The following CDC16 variants were observed in gnomAD, a reference collection of about 807,000 sequenced individuals.
CDC16 encodes cell division cycle protein 16 homolog.
A neutral mutation model predicts 87.0 loss-of-function variants in CDC16; 34 were observed. That is an observed-to-expected ratio of 0.39 (90% confidence interval 0.30 to 0.52). The LOEUF (loss-of-function observed/expected upper bound fraction) is 0.52, where lower values mean the gene tolerates loss of function less well. Among genes scored for constraint, CDC16 ranks in the 20% least tolerant of loss-of-function variants. The probability of loss-of-function intolerance (pLI) is 0.74; values close to 1 mark genes in which losing one functional copy is unlikely to be tolerated. For synonymous variants in CDC16, 263 were observed against 260.6 expected (o/e 1.01, Z -0.09); for missense variants, 653 against 751.9 (o/e 0.87, Z 1.54).
At chr13:114,251,685 T>A (rs989440055) in intron 12 of CDC16, among the ~76,000 whole-genome samples, 30 of 152,210 alleles carry the variant, frequency 2.0e-4, no homozygotes, top group African/African-American at 7.0e-4. Context: ...TACCACAGAC[T>A]GGGTGACTTA....
rs17337724 is a variant in CDC16, at chr13:114,234,938, A to G, written c.-147A>G. Reference sequence around the variant, plus strand: ...GTGGGGGGTGCGGGTGTGGGTGGGGACCTGCGGCCTTCGAGTCCGCGGCCT... The same window carrying G: ...GTGGGGGGTGCGGGTGTGGGTGGGGGCCTGCGGCCTTCGAGTCCGCGGCCT... On this transcript the variant is annotated 5_prime_UTR_variant, in exon 1 of 18. Transcript: ENST00000356221. 0.019 allele frequency: 8,405 copies of G among 453,898 alleles called. 404 individuals are homozygous for G. The highest frequency in any genetic ancestry group is 0.1 in the Admixed American group (2,264 of 22,154). The allele number at this position is 453,898 out of a possible 1,614,324, so 28.1% of individuals were successfully genotyped here. A position where few individuals can be genotyped will look rare whatever the true frequency, so the allele number is the denominator to read the frequency against.
chr13:114,265,122 A>G, intron 16 of CDC16, 28 bp from the exon 17 acceptor site: 1 of 1,449,190 alleles, frequency 6.9e-7, no homozygotes, highest in Non-Finnish European at 9.7e-7. Flanking sequence ...GTTTTCTTTT[A>G]ATAACCATGC....
At chr13:114,245,973 G>GT in intron 9 of CDC16, 27 bp from the exon 10 acceptor site, 5 of 1,343,128 alleles carry the variant, frequency 3.7e-6, no homozygotes, top group Non-Finnish European at 5.2e-6. Flanking sequence ...ACGAACAATT[G>GT]TTCTTTTTCT....
rs145197563 is a variant in CDC16, at chr13:114,249,909, A to T, written c.972-640A>T. ...TTAAAATTTTGCTATACTATTAAAC[A>T]GTTTTAGTTCAAATGAATCAACACA... is the stretch of plus-strand genomic sequence containing the variant. On this transcript the variant is annotated intron_variant, in intron 11 of 17. Coordinates refer to ENST00000356221, the MANE Select transcript of CDC16 (RefSeq NM_001078645.3). Among the ~76,000 whole-genome samples, 3 of 152,380 alleles carry T rather than the reference A, an allele frequency of 2.0e-5. No individual in the cohort carries two copies. In the East Asian group the frequency reaches 5.8e-4, roughly 29 times the overall value.
intron 11 of CDC16, among the ~76,000 whole-genome samples, chr13:114,249,303 A>T (rs1333760204): frequency 6.6e-6 from 1 of 151,428 alleles, no homozygotes; most frequent in Non-Finnish European, 1.5e-5. Flanking sequence ...AATGCAAGTG[A>T]AGGGGAGTGG....
chr13:114,258,016 A>G (rs1045719676), intron 13 of CDC16, among the ~76,000 whole-genome samples: 29 of 152,072 alleles, frequency 1.9e-4, no homozygotes, highest in African/African-American at 6.3e-4. Context: ...CGAACTCCTG[A>G]CCTGGTGATC....
intron 5 of CDC16, among the ~76,000 whole-genome samples, chr13:114,241,132 G>A (rs905489432): frequency 3.9e-5 from 6 of 152,262 alleles, no homozygotes; most frequent in Admixed American, 6.5e-5. Context: ...CCACATCTTC[G>A]TGTTTATGGT....
chr13:114,241,910 T>C (rs1364865659), intron 5 of CDC16, among the ~76,000 whole-genome samples: 1 of 152,052 alleles, frequency 6.6e-6, no homozygotes, highest in Non-Finnish European at 1.5e-5. Flanking sequence ...ATTAACTGTT[T>C]GTGGTATTGT....
chr13:114,266,975 CGT>C (rs1566687294), intron 17 of CDC16, among the ~76,000 whole-genome samples: 1 of 151,764 alleles, frequency 6.6e-6, no homozygotes, highest in Non-Finnish European at 1.5e-5. Flanking sequence ...GGATTACAGG[CGT>C]GAGCCACCAT....
At chr13:114,266,903 C>T (rs17291578) in intron 17 of CDC16, among the ~76,000 whole-genome samples, 4 of 151,830 alleles carry the variant, frequency 2.6e-5, no homozygotes, top group East Asian at 2.0e-4. Context: ...TCACAGTGTT[C>T]GCCAGGATGA....
At chr13:114,242,992 G>A (rs939449365) in intron 6 of CDC16, among the ~76,000 whole-genome samples, 1 of 152,290 alleles carries the variant, frequency 6.6e-6, no homozygotes. Context: ...ACGCAGTCAG[G>A]AGTGCGGAGG....
chr13:114,243,233 CT>C (rs201277357), intron 6 of CDC16, 23 bp from the exon 7 acceptor site: 52 of 1,064,236 alleles, frequency 4.9e-5, no homozygotes, highest in South Asian at 9.0e-5. Context: ...TGAGGATATT[CT>C]TTTTTTTCTC....
At chr13:114,264,104 T>A (rs1452275112) in intron 16 of CDC16, 1 of 152,200 alleles carries the variant, frequency 6.6e-6, no homozygotes, top group African/African-American at 2.4e-5. Flanking sequence ...GATTTTGAGG[T>A]TAGATGAAGT....
In CDC16 at chr13:114,252,366, T is replaced by C. The variant is rs2082244736; in HGVS notation, c.1097+1692T>C. Among the ~76,000 whole-genome samples the C allele has an allele frequency of 1.3e-5, 2 of 152,220 alleles. 1 individual carries two copies. Among genetic ancestry groups the C allele is most frequent in the South Asian group, 4.1e-4 (2 of 4,828 alleles). On this transcript the variant is annotated intron_variant, in intron 12 of 17. Coordinates refer to ENST00000356221, the MANE Select transcript of CDC16 (RefSeq NM_001078645.3). ...CTTTATTATCTTTTCATAGGCCCTA[T>C]CTTCAAGTACAGGCACAGTAGGGGT...
At chr13:114,261,522 GGTGTGGT>G (rs1253643288) in intron 14 of CDC16, among the ~76,000 whole-genome samples, 1 of 151,846 alleles carries the variant, frequency 6.6e-6, no homozygotes, top group Admixed American at 6.6e-5. Context: ...GGGAGAGATG[GGTGTGGT>G]GTGTGGTGCA....
intron 9 of CDC16, chr13:114,245,795 G>C (rs543262278): frequency 3.3e-5 from 17 of 511,440 alleles, no homozygotes; most frequent in South Asian, 2.4e-4. Context: ...GCTGTCTTAG[G>C]GGGTGTCTGT....
intron 14 of CDC16, 67 bp from the exon 15 acceptor site, chr13:114,261,820 C>A: frequency 9.0e-7 from 1 of 1,111,932 alleles, no homozygotes; most frequent in Non-Finnish European, 1.3e-6. Flanking sequence ...TGAAATAATT[C>A]AGTGCAAACA....
At chr13:114,246,071 C>G in intron 10 of CDC16, 22 bp downstream of exon 10, 1 of 1,168,916 alleles carries the variant, frequency 8.6e-7, no homozygotes, top group Admixed American at 2.6e-5. Context: ...AACTTTTAGT[C>G]TTAGTTTTTT....
intron 16 of CDC16, among the ~76,000 whole-genome samples, chr13:114,263,637 G>T (rs930099005): frequency 2.0e-5 from 3 of 152,174 alleles, no homozygotes; most frequent in African/African-American, 7.2e-5. Flanking sequence ...TCAGCCCAGA[G>T]GGCCAGTATC....
Sources: gnomAD v4.1 joint callset for allele counts (sites outside exome capture counted in the v4.1 genomes callset) on GRCh38, gnomAD v4.1.1 for gene constraint, MANE v1.5 for transcripts, NCBI Gene and HGNC (gene_info 2026-07-23, HGNC 2026-07-21) for gene names.